RGS8: variants seen among roughly 807,000 people sequenced by gnomAD.
RGS8 encodes the protein regulator of G protein signaling 8.
In RGS8, 8 loss-of-function variants were observed where a neutral mutation model predicts 21.7. That is an observed-to-expected ratio of 0.37 (90% confidence interval 0.22 to 0.66). The LOEUF is 0.66. Among genes scored for constraint, RGS8 ranks in the 30% least tolerant of loss-of-function variants. The pLI, the probability that RGS8 is intolerant of heterozygous loss-of-function variation, is 0.59. For missense variants in RGS8, 157 were observed against 217.9 expected, an observed-to-expected ratio of 0.72 and a Z score of 1.76; for synonymous variants, 80 against 83.6, an observed-to-expected ratio of 0.96 and a Z score of 0.24.
the RGS8 span, among the ~76,000 whole-genome samples, chr1:182,720,859 A>G: frequency 1.3e-5 from 2 of 148,408 alleles, no homozygotes; most frequent in African/African-American, 2.5e-5. Flanking sequence ...ATACATATAT[A>G]TACATATATA....
At chr1:182,747,043 C>CT in the RGS8 span, among the ~76,000 whole-genome samples, 16 of 21,050 alleles carry the variant, frequency 7.6e-4, 4 homozygotes, top group African/African-American at 1.5e-3. Flanking sequence ...CACTGCTGGT[C>CT]TTTTTTTTTT....
chr1:182,752,278 G>A, the RGS8 span, among the ~76,000 whole-genome samples: 7 of 152,248 alleles, frequency 4.6e-5, no homozygotes, highest in African/African-American at 9.6e-5. Context: ...CACAGGAGTC[G>A]GCACATCAAC....
chr1:182,725,434 A>C, the RGS8 span, among the ~76,000 whole-genome samples: 266 of 152,328 alleles, frequency 1.7e-3, 2 homozygotes, highest in Admixed American at 4.0e-3. Flanking sequence ...TTCTTAGACC[A>C]ACAAGAGCAT....
the RGS8 span, among the ~76,000 whole-genome samples, chr1:182,693,321 C>T: frequency 6.6e-6 from 1 of 152,170 alleles, no homozygotes; most frequent in South Asian, 2.1e-4. Flanking sequence ...CATGAACAGA[C>T]ACTTTTCAAA....
chr1:182,747,481 G>T, the RGS8 span, among the ~76,000 whole-genome samples: 1 of 152,180 alleles, frequency 6.6e-6, no homozygotes. Flanking sequence ...TTCTGTCAGA[G>T]ACACTATCTT....
intron 4 of RGS8, 102 bp from the exon 6 acceptor site, chr1:182,666,135 G>A: frequency 1.0e-6 from 1 of 954,836 alleles, no homozygotes; most frequent in Non-Finnish European, 1.7e-6. Context: ...AAAAATGTGG[G>A]GAAGGGTGCA....
upstream of RGS8, among the ~76,000 whole-genome samples, chr1:182,677,888 A>G (rs1664417617): frequency 6.6e-6 from 1 of 152,234 alleles, no homozygotes; most frequent in African/African-American, 2.4e-5. Flanking sequence ...AAATCAGGAG[A>G]TGTTAGAGGA....
chr1:182,698,244 C>G, the RGS8 span, among the ~76,000 whole-genome samples: 1 of 152,194 alleles, frequency 6.6e-6, no homozygotes, highest in African/African-American at 2.4e-5. Context: ...CTGGCATCAT[C>G]TGGTCATTGC....
chr1:182,658,145 G>A (rs1663376003), intron 5 of RGS8, among the ~76,000 whole-genome samples: 1 of 152,194 alleles, frequency 6.6e-6, no homozygotes, highest in Admixed American at 6.5e-5. Context: ...ATCTACCTGA[G>A]CATCCACAGA....
chr1:182,710,836 C>A, the RGS8 span, among the ~76,000 whole-genome samples: 1 of 152,272 alleles, frequency 6.6e-6, no homozygotes, highest in East Asian at 1.9e-4. Flanking sequence ...TTATGTAATT[C>A]AACAAACTCT....
chr1:182,725,890 A>G, the RGS8 span, among the ~76,000 whole-genome samples: 5 of 152,234 alleles, frequency 3.3e-5, no homozygotes, highest in South Asian at 2.1e-4. Flanking sequence ...AAGTCACAAA[A>G]TGTTAATGTT....
the RGS8 span, among the ~76,000 whole-genome samples, chr1:182,708,102 C>T: frequency 6.6e-6 from 1 of 152,146 alleles, no homozygotes; most frequent in Non-Finnish European, 1.5e-5. Context: ...AAGTAATAGG[C>T]CACAGTCACA....
At chr1:182,746,438 A>G in the RGS8 span, among the ~76,000 whole-genome samples, 1 of 152,122 alleles carries the variant, frequency 6.6e-6, no homozygotes, top group Non-Finnish European at 1.5e-5. Context: ...AGGCCAAGGC[A>G]GACAGATCAC....
At chr1:182,659,737 A>G (rs992737137) in intron 5 of RGS8, among the ~76,000 whole-genome samples, 1 of 152,164 alleles carries the variant, frequency 6.6e-6, no homozygotes, top group African/African-American at 2.4e-5. Context: ...ACACCAGTCC[A>G]TAGCCTAAAA....
the RGS8 span, among the ~76,000 whole-genome samples, chr1:182,726,977 C>T: frequency 1.3e-5 from 2 of 152,154 alleles, no homozygotes; most frequent in African/African-American, 4.8e-5. Flanking sequence ...CATGTACACC[C>T]GCCACAGGTT....
intron 5 of RGS8, among the ~76,000 whole-genome samples, chr1:182,654,499 C>T (rs918117302): frequency 6.6e-6 from 1 of 152,094 alleles, no homozygotes; most frequent in Non-Finnish European, 1.5e-5. Context: ...TGGGCTGCAC[C>T]CACGTGCTAG....
chr1:182,696,824 G>A, the RGS8 span, among the ~76,000 whole-genome samples: 1 of 152,206 alleles, frequency 6.6e-6, no homozygotes, highest in South Asian at 2.1e-4. Context: ...GGCAGGCTTG[G>A]TTGATCTTTG....
chr1:182,741,096 G>A, the RGS8 span, among the ~76,000 whole-genome samples: 10 of 150,694 alleles, frequency 6.6e-5, no homozygotes, highest in East Asian at 5.9e-4. Context: ...GGTGGTGGCC[G>A]GGCAGAGGGG....
chr1:182,672,755 C>T (rs368796209), upstream of RGS8: 128 of 1,589,830 alleles, frequency 8.1e-5, no homozygotes, highest in African/African-American at 8.3e-4. Context: ...TTGTTCTGCC[C>T]GATCTGCACA....
Sources: gnomAD v4.1 joint callset for allele counts (sites outside exome capture counted in the v4.1 genomes callset) on GRCh38, gnomAD v4.1.1 for gene constraint, MANE v1.5 for transcripts, NCBI Gene and HGNC (gene_info 2026-07-23, HGNC 2026-07-21) for gene names.